FMNL2: variants seen among roughly 807,000 people sequenced by gnomAD.
The protein encoded by FMNL2 is formin like 2, also known as formin-like protein 2.
Under a neutral mutation model 130.2 loss-of-function variants are expected in FMNL2, and 51 were observed. That is an observed-to-expected ratio of 0.39 (90% CI 0.31 to 0.49). The LOEUF (loss-of-function observed/expected upper bound fraction) is 0.49. Ranked by LOEUF, FMNL2 falls within the 20% of genes least tolerant of loss-of-function variation. The pLI is 0.85. For synonymous variants in FMNL2, 465 were observed against 467.1 expected (o/e 1.00, Z 0.06); for missense variants, 977 against 1,316.2 (o/e 0.74, Z 3.99).
intron 23 of FMNL2, 107 bp from the exon 24 acceptor site, chr2:152,639,847 CATTT>C (rs1661617530): frequency 1.4e-6 from 1 of 735,192 alleles, no homozygotes; most frequent in African/African-American, 2.2e-5. Context: ...CTCAACCTTC[CATTT>C]ATTGTAATTC....
chr2:152,432,982 G>A (rs920703413), intron 1 of FMNL2, among the ~76,000 whole-genome samples: 18 of 152,224 alleles, frequency 1.2e-4, no homozygotes, highest in African/African-American at 4.3e-4. Flanking sequence ...GCAGACCCGG[G>A]CTTGAGTTCT....
chr2:152,618,722 A>G lies in FMNL2; in HGVS notation c.1315-124A>G. ...AATGGGACTTTATAGGTTCTAGCTG[A>G]ATTCCAAAGAATTCCCATTCATATG... On this transcript the variant is annotated intron_variant, in intron 13 of 25. Coordinates refer to ENST00000288670, the MANE Select transcript of FMNL2 (RefSeq NM_052905.4). The G allele has an allele frequency of 7.6e-6, 6 of 792,308 alleles. No homozygotes were observed. The South Asian group carries it at 1.3e-4, about 18-fold the overall frequency. The allele number at this position is 792,308 out of a possible 1,614,324, so 49.1% of individuals were successfully genotyped here.
At chr2:152,627,562 C>T (rs368836354) in intron 17 of FMNL2, among the ~76,000 whole-genome samples, 1 of 152,154 alleles carries the variant, frequency 6.6e-6, no homozygotes, top group Non-Finnish European at 1.5e-5. Context: ...ACAGTCTGTT[C>T]TGATTTCTGT....
chr2:152,346,007 A>T (rs1682098581), intron 1 of FMNL2, among the ~76,000 whole-genome samples: 1 of 152,098 alleles, frequency 6.6e-6, no homozygotes, highest in African/African-American at 2.4e-5. Context: ...CTTTAACATT[A>T]AACACCTATA....
intron 1 of FMNL2, among the ~76,000 whole-genome samples, chr2:152,448,618 C>A (rs560721092): frequency 6.6e-6 from 1 of 152,294 alleles, no homozygotes; most frequent in Admixed American, 6.5e-5. Flanking sequence ...AGGAAACCTT[C>A]TGTAAATTGA....
intron 7 of FMNL2, among the ~76,000 whole-genome samples, chr2:152,576,899 G>T (rs778539382): frequency 2.0e-5 from 3 of 152,206 alleles, no homozygotes; most frequent in Non-Finnish European, 4.4e-5. Context: ...AGAAGATGAA[G>T]TCAGATGTGA....
intron 1 of FMNL2, among the ~76,000 whole-genome samples, chr2:152,404,962 GT>G (rs1685906149): frequency 6.6e-6 from 1 of 152,132 alleles, no homozygotes; most frequent in African/African-American, 2.4e-5. Context: ...CCTTCCTCCA[GT>G]TTGAAAAACT....
chr2:152,415,659 A>G (rs541892317), intron 1 of FMNL2, among the ~76,000 whole-genome samples: 1 of 152,272 alleles, frequency 6.6e-6, no homozygotes, highest in Admixed American at 6.5e-5. Flanking sequence ...GAACTATGCT[A>G]TAGTTGGTAT....
intron 1 of FMNL2, among the ~76,000 whole-genome samples, chr2:152,464,394 A>G (rs981367482): frequency 6.6e-6 from 1 of 152,230 alleles, no homozygotes. Context: ...AGCTTAGTGC[A>G]GAAATTTCTT....
At chr2:152,578,525 GA>G (rs796626059) in intron 7 of FMNL2, 17 of 159,464 alleles carry the variant, frequency 1.1e-4, no homozygotes, top group African/African-American at 4.1e-4. Context: ...TTAATAAAGA[GA>G]AACATGTAGT....
At chr2:152,426,514 C>T (rs1411332263) in intron 1 of FMNL2, among the ~76,000 whole-genome samples, 1 of 152,224 alleles carries the variant, frequency 6.6e-6, no homozygotes, top group African/African-American at 2.4e-5. Flanking sequence ...ATTCATCTCA[C>T]TTTGTCACGT....
At chr2:152,437,350 A>G (rs935457652) in intron 1 of FMNL2, among the ~76,000 whole-genome samples, 15 of 152,170 alleles carry the variant, frequency 9.9e-5, no homozygotes, top group African/African-American at 3.4e-4. Context: ...ATATTTCACC[A>G]CTGGCCATGC....
In FMNL2 at chr2:152,467,584, GTTTGGATAGTATA is replaced by G. The variant is rs1579735794; in HGVS notation, c.118-54357_118-54345del. ...CTGCATCTTTTGATGCCGTGCACTC[GTTTGGATAGTATA>G]TGCTGTTTAAGGAACTGTCTGTGCT... is the stretch of plus-strand genomic sequence containing the variant. On this transcript the variant is annotated intron_variant, in intron 1 of 25. Transcript: ENST00000288670. 2.0e-5 allele frequency among the ~76,000 whole-genome samples: 3 copies of G among 152,258 alleles called. No homozygotes were observed. In the East Asian group the frequency reaches 5.8e-4, roughly 29 times the overall value.
At chr2:152,336,499 G>A (rs565875903) in intron 1 of FMNL2, among the ~76,000 whole-genome samples, 1 of 152,270 alleles carries the variant, frequency 6.6e-6, no homozygotes, top group Admixed American at 6.5e-5. Context: ...CAGGTCCCCC[G>A]CTCCCTCCTG....
At chr2:152,456,927 ACTC>A (rs1688989286) in intron 1 of FMNL2, among the ~76,000 whole-genome samples, 2 of 138,746 alleles carry the variant, frequency 1.4e-5, no homozygotes, top group East Asian at 2.1e-4. Flanking sequence ...ACAGAGTGAG[ACTC>A]CCTTTCAAAA....
Position 152,640,010 on chromosome 2 carries a change from A to G in FMNL2, c.2999A>G (p.Glu1000Gly). 3 of 1,558,166 alleles carry G rather than the reference A, an allele frequency of 1.9e-6. No homozygotes were observed. Among genetic ancestry groups the G allele is most frequent in the Non-Finnish European group, 1.7e-6 (2 of 1,151,178 alleles). The stretch of plus-strand genomic sequence containing the variant: ...AAAAAGCAGGAACAAGCTCTCATGG[A>G]AAAACTCCTAGAGCAAGAAGCTCTG... ...LRKKQEQALM[E>G]KLLEQEALME... The change falls in exon 24 of 26, where the codon GAA becomes GGA. Residue 1000 changes from glutamate to glycine, a missense_variant. Glu to Gly is a moderately conservative substitution (Grantham distance 98). Transcript: ENST00000288670.
At chr2:152,430,425 T>C (rs2106086051) in intron 1 of FMNL2, among the ~76,000 whole-genome samples, 1 of 152,350 alleles carries the variant, frequency 6.6e-6, no homozygotes, top group South Asian at 2.1e-4. Context: ...CTCATTTAAT[T>C]GGAGATGAGT....
At chr2:152,636,772 G>A (rs2272535) in intron 22 of FMNL2, among the ~76,000 whole-genome samples, 182 bp downstream of exon 22, 133,422 of 152,112 alleles carry the variant, frequency 0.88, 58,714 homozygotes, top group Non-Finnish European at 0.91. Flanking sequence ...GAAGGGCCCC[G>A]TCCTCATTGT....
rs536749579 is a variant in FMNL2 at position 152,601,909 on chromosome 2, A to G, written c.877-5430A>G. On this transcript the variant is annotated intron_variant, in intron 9 of 25. Coordinates refer to ENST00000288670, the MANE Select transcript of FMNL2 (RefSeq NM_052905.4). The stretch of plus-strand genomic sequence containing the variant: ...GGTCTCAAACTCCTGACCTCAGGTG[A>G]TCCACCTGTCTCGGCCTCCCAAAGT... 5.9e-3 allele frequency among the ~76,000 whole-genome samples: 903 copies of G among 152,054 alleles called. 4 individuals are homozygous for G. The highest frequency in any genetic ancestry group is 0.01 in the Non-Finnish European group (707 of 67,966).
Sources: allele counts gnomAD v4.1 joint callset (sites outside exome capture counted in the v4.1 genomes callset), GRCh38; gene constraint gnomAD v4.1.1; transcripts MANE v1.5; gene names NCBI Gene and HGNC (gene_info 2026-07-23, HGNC 2026-07-21).